The following NFATC1 variants were observed in gnomAD, a reference collection of about 807,000 sequenced individuals.
The protein encoded by NFATC1 is nuclear factor of activated T-cells, cytoplasmic 1.
Under a neutral mutation model 76.0 loss-of-function variants are expected in NFATC1, and 22 were observed. The ratio of observed to expected loss-of-function variants is 0.29; its 90% CI spans 0.21 to 0.41. NFATC1 has a LOEUF of 0.41. Among genes scored for constraint, NFATC1 ranks in the 10% least tolerant of loss-of-function variants. The probability of loss-of-function intolerance (pLI) is 1.00; values close to 1 mark genes in which losing one functional copy is unlikely to be tolerated. For missense variants in NFATC1, 1,357 were observed against 1,337.7 expected, an observed-to-expected ratio of 1.01 and a Z score of -0.23; for synonymous variants, 704 against 613.1, an observed-to-expected ratio of 1.15 and a Z score of -2.19.
At chr18:79,468,937 C>G (rs998650591) in intron 8 of NFATC1, 6 of 150,664 alleles carry the variant, frequency 4.0e-5, no homozygotes, top group Non-Finnish European at 8.8e-5. Flanking sequence ...CTGGGACCCC[C>G]GGGATTGTGG....
At chr18:79,427,116 C>A (rs372107563) in intron 2 of NFATC1, among the ~76,000 whole-genome samples, 1 of 152,142 alleles carries the variant, frequency 6.6e-6, no homozygotes, top group Admixed American at 6.5e-5. Context: ...TTAAGTGCGT[C>A]TTGGCAGGGG....
intron 1 of NFATC1, among the ~76,000 whole-genome samples, chr18:79,399,614 G>C (rs1321259533): frequency 6.6e-6 from 1 of 152,232 alleles, no homozygotes; most frequent in African/African-American, 2.4e-5. Flanking sequence ...GGTGGGACCC[G>C]AACTCGCCTT....
At chr18:79,453,773 A>G (rs775738547) in intron 6 of NFATC1, among the ~76,000 whole-genome samples, 2 of 152,266 alleles carry the variant, frequency 1.3e-5, no homozygotes, top group Non-Finnish European at 2.9e-5. Context: ...GACCACGTTG[A>G]TAATTTTATT....
At chr18:79,439,289 C>T (rs377030394) in intron 3 of NFATC1, among the ~76,000 whole-genome samples, 5 of 152,174 alleles carry the variant, frequency 3.3e-5, no homozygotes, top group Admixed American at 1.3e-4. Flanking sequence ...ATCAGAGCTC[C>T]GAGGCCCCAC....
At chr18:79,458,127 G>A (rs557382299) in intron 6 of NFATC1, among the ~76,000 whole-genome samples, 21 of 152,346 alleles carry the variant, frequency 1.4e-4, no homozygotes, top group African/African-American at 4.1e-4. Flanking sequence ...GGGTGGCTCC[G>A]TGTGAGGCCC....
At position 79,433,594 on chromosome 18, in the gene NFATC1, C is replaced by T; in HGVS notation, c.1242C>T (p.Ala414=). The T allele has an allele frequency of 6.2e-7, 1 of 1,613,294 alleles. No homozygotes were observed. The highest frequency in any genetic ancestry group is 8.5e-7 in the Non-Finnish European group (1 of 1,179,930). ...PTSYMSPTLP[A]LDWQLPSHSG... ...TCCCTTCCAGCCCGACCCTGCCCGC[C>T]CTGGACTGGCAGCTGCCGTCCCACT... Residue 414 remains alanine, a synonymous_variant, in exon 3 of 10, where the codon GCC becomes GCT. Coordinates refer to ENST00000427363, the MANE Select transcript of NFATC1 (RefSeq NM_001278669.2).
intron 1 of NFATC1, among the ~76,000 whole-genome samples, chr18:79,403,230 C>T (rs2085326586): frequency 6.6e-6 from 1 of 152,266 alleles, no homozygotes; most frequent in Non-Finnish European, 1.5e-5. Flanking sequence ...CCCGCGTCTT[C>T]ACGGGGTGCT....
chr18:79,455,283 C>T (rs1225484243), intron 6 of NFATC1, among the ~76,000 whole-genome samples: 5 of 152,212 alleles, frequency 3.3e-5, no homozygotes, highest in East Asian at 1.9e-4. Context: ...CCAGCGATCG[C>T]GCAGCGGGCA....
chr18:79,476,466 A>C (rs2089074822), intron 8 of NFATC1, among the ~76,000 whole-genome samples: 2 of 152,154 alleles, frequency 1.3e-5, no homozygotes, highest in Admixed American at 1.3e-4. Context: ...AACAGATCCC[A>C]CCTCACTGTG....
At chr18:79,423,786 G>A (rs542449209) in intron 2 of NFATC1, among the ~76,000 whole-genome samples, 1 of 152,186 alleles carries the variant, frequency 6.6e-6, no homozygotes, top group African/African-American at 2.4e-5. Flanking sequence ...TGAGGCCCGT[G>A]CCCTCCTCTG....
intron 6 of NFATC1, among the ~76,000 whole-genome samples, chr18:79,460,061 C>T (rs181680235): frequency 6.3e-4 from 96 of 152,294 alleles, no homozygotes; most frequent in Non-Finnish European, 1.2e-3. Flanking sequence ...CAGGCTCTAT[C>T]GAGTGGGTTC....
chr18:79,450,932 T>C (rs1004641437), intron 4 of NFATC1, 22 bp from the exon 5 acceptor site: 11 of 1,604,808 alleles, frequency 6.9e-6, no homozygotes, highest in Middle Eastern at 1.7e-4. Context: ...AAAGAAAAGC[T>C]GTGGGCTTTT....
Position 79,527,609 on chromosome 18 carries a change from G to A in NFATC1, c.*32G>A, listed in dbSNP as rs1432202707. ...CATTGGAGCACTCAGTTCAGCAGGG[G>A]TATGCTGACTTCAGCAGACAAAGAC... On this transcript the variant is annotated 3_prime_UTR_variant, in exon 10 of 10. Transcript: ENST00000427363. 5.6e-6 allele frequency: 9 copies of A among 1,596,652 alleles called. No homozygotes were observed. Among genetic ancestry groups the A allele is most frequent in the Non-Finnish European group, 7.7e-6 (9 of 1,164,604 alleles).
chr18:79,459,389 G>A (rs4799057), intron 6 of NFATC1, among the ~76,000 whole-genome samples: 318 of 152,262 alleles, frequency 2.1e-3, no homozygotes, highest in African/African-American at 7.2e-3. Context: ...AGGAGGCCGC[G>A]GGGGAGACGG....
Position 79,527,938 on chromosome 18 carries a change from T to G in NFATC1, c.*361T>G, listed in dbSNP as rs1390708854. On this transcript the variant is annotated 3_prime_UTR_variant, in exon 10 of 10. Transcript: ENST00000427363. ...GGGTTCAATACTGGAAGTGCCTTAT[T>G]TAACCAGACCATCAGGGCATCATAG... 4.7e-6 allele frequency: 2 copies of G among 428,192 alleles called. No homozygotes were observed. The highest frequency in any genetic ancestry group is 8.2e-6 in the Non-Finnish European group (2 of 242,434). 26.5% of individuals were successfully genotyped at this position (428,192 alleles called of 1,614,324 possible).
In NFATC1 at chr18:79,486,678, G is replaced by T. The variant is rs1466351865; in HGVS notation, c.2523G>T (p.Ser841=). The T allele has an allele frequency of 1.2e-6, 2 of 1,602,160 alleles. No individual in the cohort carries two copies. Among genetic ancestry groups the T allele is most frequent in the South Asian group, 2.2e-5 (2 of 90,478 alleles). ...SSSCPPGLEH[S]LCPSSPSPPL... is the part of the protein sequence containing the mutation. ...GCTGCCCCCCTGGTCTCGAACACTC[G>T]CTCTGCCCCAGCAGCCCCTCTCCTC... The change falls in exon 9 of 10, where the codon TCG becomes TCT. Residue 841 remains serine (S), a synonymous_variant. Coordinates refer to ENST00000427363, the MANE Select transcript of NFATC1 (RefSeq NM_001278669.2).
chr18:79,443,638 G>A (rs776247483), intron 3 of NFATC1, among the ~76,000 whole-genome samples: 18 of 152,240 alleles, frequency 1.2e-4, no homozygotes, highest in African/African-American at 2.9e-4. Flanking sequence ...GTGGGGTCCC[G>A]TCTGCCCAGC....
chr18:79,492,356 A>T (rs553043115), intron 9 of NFATC1, among the ~76,000 whole-genome samples: 4 of 152,288 alleles, frequency 2.6e-5, no homozygotes, highest in African/African-American at 9.6e-5. Context: ...TGAGGTCAGG[A>T]GTTCAAGACC....
intron 4 of NFATC1, 57 bp downstream of exon 4, chr18:79,449,041 C>A: frequency 1.3e-6 from 2 of 1,560,886 alleles, no homozygotes; most frequent in East Asian, 2.3e-5. Flanking sequence ...GGGCGTGCCT[C>A]CCTCCCAGTC....
Sources: allele counts gnomAD v4.1 joint callset (sites outside exome capture counted in the v4.1 genomes callset), GRCh38; gene constraint gnomAD v4.1.1; transcripts MANE v1.5; gene names NCBI Gene and HGNC (gene_info 2026-07-23, HGNC 2026-07-21).